RNF152: variants seen among roughly 807,000 people sequenced by gnomAD.
The protein encoded by RNF152 is ring finger protein 152, also known as E3 ubiquitin-protein ligase RNF152.
In RNF152, 11 loss-of-function variants were observed where a neutral mutation model predicts 12.7. The observed-to-expected ratio is 0.86, with a 90% CI of 0.54 to 1.43. The LOEUF is 1.43. Among genes scored for constraint, RNF152 ranks in the 40% most tolerant of loss-of-function variants. RNF152 has a pLI of 0.00. For missense variants in RNF152, 255 were observed against 274.8 expected, an observed-to-expected ratio of 0.93 and a Z score of 0.51; for synonymous variants, 113 against 120.3, an observed-to-expected ratio of 0.94 and a Z score of 0.40.
intron 1 of RNF152, among the ~76,000 whole-genome samples, chr18:61,835,696 T>A (rs1014616656): frequency 6.6e-6 from 1 of 152,162 alleles, no homozygotes; most frequent in African/African-American, 2.4e-5. Context: ...CAGAACCACA[T>A]TCAAATCCCT....
At chr18:61,828,180 C>T (rs1909759135) in intron 1 of RNF152, among the ~76,000 whole-genome samples, 1 of 152,226 alleles carries the variant, frequency 6.6e-6, no homozygotes, top group South Asian at 2.1e-4. Flanking sequence ...ACATCTGCCC[C>T]TATCTCTGCC....
At position 61,880,175 on chromosome 18, in the gene RNF152, C is replaced by G. The variant is rs756566705; in HGVS notation, c.-136+12620G>C. ...ACTCAGGTAATAGCCAGAAATCTTG[C>G]TGCAAATTTCCCAACAAAACTTGAC... On this transcript the variant is annotated intron_variant, in intron 1 of 1. Transcript: ENST00000312828. 5.3e-5 allele frequency among the ~76,000 whole-genome samples: 8 copies of G among 152,198 alleles called. No individual in the cohort carries two copies. The East Asian group carries it at 5.8e-4, about 11-fold the overall frequency.
chr18:61,827,820 T>A (rs1909740494), intron 1 of RNF152, among the ~76,000 whole-genome samples: 1 of 152,184 alleles, frequency 6.6e-6, no homozygotes, highest in Non-Finnish European at 1.5e-5. Context: ...CTGCTTTTTC[T>A]TACTTCCAGC....
intron 1 of RNF152, among the ~76,000 whole-genome samples, chr18:61,847,794 A>G (rs1910803230): frequency 6.6e-6 from 1 of 151,920 alleles, no homozygotes; most frequent in South Asian, 2.1e-4. Flanking sequence ...CCCTTCAGTC[A>G]ATGGCCTGGC....
chr18:61,892,382 T>C (rs1324777288), intron 1 of RNF152, among the ~76,000 whole-genome samples: 2 of 152,226 alleles, frequency 1.3e-5, no homozygotes, highest in African/African-American at 4.8e-5. Flanking sequence ...ATTAGAGCAC[T>C]GGGCAAAAGT....
chr18:61,866,269 C>A (rs978748919), intron 1 of RNF152, among the ~76,000 whole-genome samples: 8 of 152,128 alleles, frequency 5.3e-5, no homozygotes, highest in Admixed American at 5.2e-4. Context: ...GCCCAGGTAG[C>A]CCCACGGATG....
In RNF152 at chr18:61,871,669, C is replaced by T. The variant is rs1364935472; in HGVS notation, c.-136+21126G>A. Reference sequence around the variant, plus strand: ...TGTATGGCAGTGGTTCATGGTATCCCGATGCCGAGCCTTCAGAAGGTAAGG... The same window carrying T: ...TGTATGGCAGTGGTTCATGGTATCCTGATGCCGAGCCTTCAGAAGGTAAGG... On this transcript the variant is annotated intron_variant, in intron 1 of 1. Coordinates refer to ENST00000312828, the MANE Select transcript of RNF152 (RefSeq NM_173557.3). Among the ~76,000 whole-genome samples the T allele has an allele frequency of 5.9e-5, 9 of 152,260 alleles. No individual in the cohort carries two copies. In the East Asian group the frequency reaches 1.4e-3, roughly 23 times the overall value.
At chr18:61,849,337 C>T (rs1039356142) in intron 1 of RNF152, among the ~76,000 whole-genome samples, 13 of 152,196 alleles carry the variant, frequency 8.5e-5, no homozygotes, top group South Asian at 2.1e-4. Flanking sequence ...GAAGTTAACC[C>T]TGAGGAATTT....
intron 1 of RNF152, among the ~76,000 whole-genome samples, chr18:61,829,195 TCTC>T (rs1270715408): frequency 1.3e-5 from 2 of 152,114 alleles, no homozygotes; most frequent in African/African-American, 4.8e-5. Flanking sequence ...GTTTAGCTCT[TCTC>T]CTAGCGAATA....
rs565207719 is a variant in RNF152 at position 61,867,684 on chromosome 18, G to A, written c.-136+25111C>T. Among the ~76,000 whole-genome samples the A allele has an allele frequency of 2.7e-4, 41 of 151,958 alleles. 1 individual carries two copies. In the East Asian group the frequency reaches 2.7e-3, roughly 10 times the overall value. On this transcript the variant is annotated intron_variant, in intron 1 of 1. Transcript: ENST00000312828. ...ACCAGGCTGAACTCTCCACATCGCC[G>A]GCCTCACCATCCTGGGATACAATTC...
intron 1 of RNF152, among the ~76,000 whole-genome samples, chr18:61,823,498 C>T (rs1909516366): frequency 6.6e-6 from 1 of 152,182 alleles, no homozygotes; most frequent in Non-Finnish European, 1.5e-5. Context: ...AGGGTTTCGC[C>T]ATATTGGCCA....
At chr18:61,862,423 G>A (rs983691989) in intron 1 of RNF152, among the ~76,000 whole-genome samples, 1 of 152,214 alleles carries the variant, frequency 6.6e-6, no homozygotes, top group East Asian at 1.9e-4. Flanking sequence ...AGCAAGAGGT[G>A]AAGAGCAAGA....
intron 1 of RNF152, among the ~76,000 whole-genome samples, chr18:61,833,632 C>T (rs1234630018): frequency 4.6e-5 from 7 of 152,194 alleles, no homozygotes; most frequent in Non-Finnish European, 8.8e-5. Context: ...CTGTTAGTCT[C>T]GTCTGTTTGT....
intron 1 of RNF152, among the ~76,000 whole-genome samples, chr18:61,852,495 TAAGACAGAG>T (rs1911030320): frequency 6.6e-6 from 1 of 152,216 alleles, no homozygotes; most frequent in South Asian, 2.1e-4. Flanking sequence ...TTGAAAGATG[TAAGACAGAG>T]TCCTCAACAG....
intron 1 of RNF152, among the ~76,000 whole-genome samples, chr18:61,858,497 TC>T (rs1272285435): frequency 6.6e-6 from 1 of 151,858 alleles, no homozygotes; most frequent in South Asian, 2.1e-4. Flanking sequence ...TAGAAATATT[TC>T]CCCCGATACC....
intron 1 of RNF152, among the ~76,000 whole-genome samples, chr18:61,879,277 T>A (rs997446373): frequency 2.0e-5 from 3 of 151,958 alleles, no homozygotes; most frequent in Non-Finnish European, 4.4e-5. Context: ...ATTTACATCA[T>A]GTTTACATTA....
chr18:61,893,339 T>G (rs1330090663), upstream of RNF152: 1 of 152,258 alleles, frequency 6.6e-6, no homozygotes, highest in Non-Finnish European at 1.5e-5. Flanking sequence ...CATCTTTCTT[T>G]CGTTTGCCCC....
Position 61,815,858 on chromosome 18 carries a change from A to T in RNF152, c.606T>A (p.Cys202Ter), listed in dbSNP as rs750584457. 6.2e-7 allele frequency: 1 copy of T among 1,612,512 alleles called. No homozygotes were observed. Among genetic ancestry groups the T allele is most frequent in the Non-Finnish European group, 8.5e-7 (1 of 1,178,592 alleles). The change falls in exon 2 of 2, where the codon TGT (cysteine) becomes TGA (stop). Residue 202 changes from cysteine to a stop codon, truncating the protein, a stop_gained. Transcript: ENST00000312828. LOFTEE classifies it high-confidence loss of function. The part of the protein sequence containing the change: ...CISKRFTVIS[C>*]G ...GACTTCCCTGCAGCCCTCTTCAGCC[A>T]CAGGATATCACAGTGAAGCGCTTAG...
intron 1 of RNF152, among the ~76,000 whole-genome samples, chr18:61,837,370 A>T (rs1167898615): frequency 6.6e-6 from 1 of 152,232 alleles, no homozygotes; most frequent in East Asian, 1.9e-4. Flanking sequence ...ATATTAGATG[A>T]TATTGAATTA....
Sources: allele counts gnomAD v4.1 joint callset (sites outside exome capture counted in the v4.1 genomes callset), GRCh38; gene constraint gnomAD v4.1.1; transcripts MANE v1.5; gene names NCBI Gene and HGNC (gene_info 2026-07-23, HGNC 2026-07-21).